Variants in KDM2A observed in about 807,000 individuals in gnomAD.
KDM2A encodes the protein lysine demethylase 2A.
KDM2A carries 3 observed loss-of-function variants against 137.3 expected under a neutral mutation model. The ratio of observed to expected loss-of-function variants is 0.02; its 90% confidence interval spans 0.01 to 0.06. The LOEUF (loss-of-function observed/expected upper bound fraction) is 0.06. Among genes scored for constraint, KDM2A ranks in the 10% least tolerant of loss-of-function variants. The probability of loss-of-function intolerance (pLI) is 1.00; values close to 1 mark genes in which losing one functional copy is unlikely to be tolerated. For synonymous variants in KDM2A, 512 were observed against 541.5 expected (o/e 0.95, Z 0.76); for missense variants, 738 against 1,510.6 (o/e 0.49, Z 8.48).
chr11:67,168,798 T>C (rs1270335630), intron 2 of KDM2A, among the ~76,000 whole-genome samples: 2 of 152,152 alleles, frequency 1.3e-5, no homozygotes, highest in African/African-American at 4.8e-5. Flanking sequence ...AGTTGATTTT[T>C]TGGATATGTA....
At chr11:67,186,816 CCAGCTACT>C (rs1246554240) in intron 5 of KDM2A, among the ~76,000 whole-genome samples, 1 of 151,964 alleles carries the variant, frequency 6.6e-6, no homozygotes, top group Non-Finnish European at 1.5e-5. Context: ...GCCTGTAATC[CCAGCTACT>C]CAGTAGGCTG....
intron 16 of KDM2A, chr11:67,248,610 T>C (rs1287502416): frequency 2.2e-6 from 1 of 458,642 alleles, no homozygotes; most frequent in Non-Finnish European, 4.0e-6. Context: ...ATTCCTAAGG[T>C]CCTTTTATAC....
chr11:67,169,759 C>CTCTCTCTCTTT (rs756503460), intron 2 of KDM2A, among the ~76,000 whole-genome samples: 11 of 65,698 alleles, frequency 1.7e-4, no homozygotes, highest in Non-Finnish European at 1.9e-4. Flanking sequence ...CTCTCTCTCT[C>CTCTCTCTCTTT]TTTTTTTTTT....
rs146650294 is a variant in KDM2A at position 67,153,315 on chromosome 11, G to A, written c.43-26764G>A. Among the ~76,000 whole-genome samples the A allele has an allele frequency of 6.6e-5, 10 of 152,158 alleles. 2 individuals carry two copies. The highest frequency in any genetic ancestry group is 1.9e-4 in the East Asian group (1 of 5,184). ...TCTTAATATGCATGTTTACAAGGAC[G>A]TGTAATTGGAAAGGTGATGCTTTTC... On this transcript the variant is annotated intron_variant, in intron 2 of 20. Coordinates refer to ENST00000529006, the MANE Select transcript of KDM2A (RefSeq NM_012308.3).
At chr11:67,146,855 T>C (rs1856259466) in intron 2 of KDM2A, among the ~76,000 whole-genome samples, 1 of 152,126 alleles carries the variant, frequency 6.6e-6, no homozygotes, top group African/African-American at 2.4e-5. Context: ...TCCCTCACTT[T>C]CGTGGATTTT....
intron 5 of KDM2A, among the ~76,000 whole-genome samples, chr11:67,203,818 A>G (rs1165237584): frequency 1.4e-5 from 2 of 147,206 alleles, no homozygotes; most frequent in East Asian, 3.9e-4. Context: ...TTTTCTTTTT[A>G]AGACAGAGTC....
chr11:67,221,065 T>TA (rs1454168213), intron 10 of KDM2A, among the ~76,000 whole-genome samples: 1 of 150,886 alleles, frequency 6.6e-6, no homozygotes, highest in African/African-American at 2.4e-5. Flanking sequence ...ACAGGAATCA[T>TA]AAAAAGAGGC....
chr11:67,125,303 C>T (rs778178152), intron 2 of KDM2A, among the ~76,000 whole-genome samples: 2 of 151,578 alleles, frequency 1.3e-5, no homozygotes, highest in Non-Finnish European at 2.9e-5. Flanking sequence ...ACGTCAGCTT[C>T]CCAGGTAGCT....
intron 5 of KDM2A, among the ~76,000 whole-genome samples, chr11:67,201,753 A>G (rs939505078): frequency 6.4e-5 from 9 of 140,606 alleles, no homozygotes; most frequent in African/African-American, 2.2e-4. Context: ...AGCCTAGGCA[A>G]CAGAGCTAGA....
chr11:67,164,330 T>C (rs923983832), intron 2 of KDM2A, among the ~76,000 whole-genome samples: 3 of 152,206 alleles, frequency 2.0e-5, no homozygotes, highest in Non-Finnish European at 4.4e-5. Context: ...AATTTTAGCT[T>C]GATTGAAGAT....
At chr11:67,230,112 C>G (rs1858665363) in intron 11 of KDM2A, among the ~76,000 whole-genome samples, 1 of 149,300 alleles carries the variant, frequency 6.7e-6, no homozygotes, top group Non-Finnish European at 1.5e-5. Flanking sequence ...GAAGGTGGAG[C>G]TTGCAGTGAG....
intron 5 of KDM2A, among the ~76,000 whole-genome samples, chr11:67,198,356 C>T (rs1402146957): frequency 1.3e-5 from 2 of 151,366 alleles, no homozygotes; most frequent in African/African-American, 4.9e-5. Flanking sequence ...TTCTGGCAAA[C>T]CTTCATTGAG....
intron 2 of KDM2A, among the ~76,000 whole-genome samples, chr11:67,172,356 G>A (rs1336071619): frequency 3.9e-5 from 6 of 152,066 alleles, no homozygotes; most frequent in Admixed American, 3.9e-4. Flanking sequence ...GCTTTGAATT[G>A]GAAGATAAAT....
rs756321923 is a variant in KDM2A, at chr11:67,250,373, C to T, written c.2343C>T (p.Ser781=). Residue 781 remains serine, a synonymous_variant, in exon 17 of 21, where the codon AGC becomes AGT. Transcript: ENST00000529006. The surrounding 1 kb of genome is among the most constrained non-coding windows in gnomAD (Gnocchi z 7.1). ...TMVREKENNP[S]GKKELSEVEK... ...TACGGGAAAAGGAGAACAATCCCAG[C>T]GGCAAAAAGGAGCTGTCTGAAGTTG... 6.2e-6 allele frequency: 10 copies of T among 1,613,818 alleles called. No individual in the cohort carries two copies. Among genetic ancestry groups the T allele is most frequent in the Admixed American group, 1.7e-5 (1 of 60,006 alleles).
intron 10 of KDM2A, among the ~76,000 whole-genome samples, chr11:67,224,829 T>A (rs1244982277): frequency 1.3e-5 from 1 of 77,672 alleles, no homozygotes; most frequent in Non-Finnish European, 2.4e-5. Context: ...AGCTGCAGCA[T>A]TTTTTTTTTT....
chr11:67,155,986 C>T (rs1207124647), intron 2 of KDM2A, among the ~76,000 whole-genome samples: 7 of 146,086 alleles, frequency 4.8e-5, no homozygotes, highest in East Asian at 2.1e-4. Flanking sequence ...GCAGGGCTCA[C>T]GCCTGTAATC....
At chr11:67,137,281 A>G (rs1855988817) in intron 2 of KDM2A, among the ~76,000 whole-genome samples, 1 of 152,230 alleles carries the variant, frequency 6.6e-6, no homozygotes, top group African/African-American at 2.4e-5. Context: ...GCCATTGGGA[A>G]GGCAGAAGTT....
intron 6 of KDM2A, among the ~76,000 whole-genome samples, chr11:67,212,881 G>C (rs1163339337): frequency 6.6e-6 from 1 of 152,120 alleles, no homozygotes; most frequent in African/African-American, 2.4e-5. Flanking sequence ...TCATTATTCT[G>C]TTAAAGGCAT....
At chr11:67,217,156 C>T (rs1411325705) in intron 8 of KDM2A, among the ~76,000 whole-genome samples, 3 of 150,314 alleles carry the variant, frequency 2.0e-5, no homozygotes, top group Non-Finnish European at 3.0e-5. Flanking sequence ...GCAGGAGAAT[C>T]GCTTGAACCC....
Sources: gnomAD v4.1 joint callset for allele counts (sites outside exome capture counted in the v4.1 genomes callset) on GRCh38, gnomAD v4.1.1 for gene constraint, Gnocchi (gnomAD v3.1) non-coding constraint, MANE v1.5 for transcripts, NCBI Gene and HGNC (gene_info 2026-07-23, HGNC 2026-07-21) for gene names.